Variants in MORN1 observed in about 807,000 individuals in gnomAD.
MORN1 encodes the protein MORN repeat containing 1.
MORN1 carries 67 observed loss-of-function variants against 61.9 expected under a neutral mutation model. The ratio of observed to expected loss-of-function variants is 1.08; its 90% confidence interval spans 0.89 to 1.33. The LOEUF (loss-of-function observed/expected upper bound fraction) is 1.33. Ranked by LOEUF, MORN1 falls within the 40% of genes most tolerant of loss-of-function variation. MORN1 has a pLI of 0.00. For synonymous variants in MORN1, 301 were observed against 292.0 expected (o/e 1.03, Z -0.31); for missense variants, 752 against 691.2 (o/e 1.09, Z -0.99).
intron 6 of MORN1, chr1:2,376,634 G>A (rs543283551): frequency 1.3e-5 from 2 of 152,254 alleles, no homozygotes; most frequent in South Asian, 2.1e-4. Flanking sequence ...CTGGGGCTGC[G>A]GCTCACGTAT....
At chr1:2,325,127 CTTCCT>C (rs1640982746) in intron 12 of MORN1, among the ~76,000 whole-genome samples, 1 of 56,146 alleles carries the variant, frequency 1.8e-5, no homozygotes, top group Non-Finnish European at 3.2e-5. Flanking sequence ...CCTTCCCTTC[CTTCCT>C]TCCCTCCCTC....
At chr1:2,353,934 G>T (rs915881308) in intron 10 of MORN1, among the ~76,000 whole-genome samples, 6 of 152,254 alleles carry the variant, frequency 3.9e-5, no homozygotes, top group Non-Finnish European at 1.5e-5. Flanking sequence ...TTGGGAAGCA[G>T]CAAGCCCGAT....
chr1:2,369,355 G>GAA (rs55703845), intron 8 of MORN1, among the ~76,000 whole-genome samples: 74 of 80,572 alleles, frequency 9.2e-4, no homozygotes, highest in South Asian at 2.3e-3. Context: ...CTCAGTCTCA[G>GAA]AAAAAAAAAA....
intron 13 of MORN1, chr1:2,323,021 A>AC: frequency 1.0e-6 from 1 of 984,856 alleles, no homozygotes; most frequent in Non-Finnish European, 1.2e-6. Flanking sequence ...TTCGCTCCTC[A>AC]CCCCCAGGGC....
At chr1:2,370,746 G>A (rs1642101121) in intron 8 of MORN1, among the ~76,000 whole-genome samples, 1 of 151,446 alleles carries the variant, frequency 6.6e-6, no homozygotes, top group Non-Finnish European at 1.5e-5. Context: ...TGCAGTCACG[G>A]GGCTCACTGT....
chr1:2,374,540 G>A lies in MORN1; in HGVS notation c.555C>T (p.Asp185=), dbSNP rs775118287. 19 of 1,596,426 alleles carry A rather than the reference G, an allele frequency of 1.2e-5. No homozygotes were observed. The highest frequency in any genetic ancestry group is 6.8e-5 in the East Asian group (3 of 44,314). The part of the protein sequence containing the change: ...GSTYKGQWHS[D]VFSGLGSMAH... ...CCATGCTGCCCAGTCCACTGAAGAC[G>A]TCGCTGTGCCACTGTCCCTGCAGAG... The change falls in exon 7 of 14, where the codon GAC becomes GAT. Residue 185 remains aspartate, a synonymous_variant. Transcript: ENST00000378531.
At position 2,334,234 on chromosome 1, in the gene MORN1, G is replaced by T. The variant is rs1305100706; in HGVS notation, c.1250+2235C>A. Among the ~76,000 whole-genome samples, 2 of 152,114 alleles carry T rather than the reference G, an allele frequency of 1.3e-5. No homozygotes were observed. The highest frequency in any genetic ancestry group is 6.5e-5 in the Admixed American group (1 of 15,276). ...AGCCACAGTTGAGGGCCTCTGGGTGGTGGGGGGGCAGCAGGTGTAAGAACG... is the reference window on the plus strand; with the variant it reads ...AGCCACAGTTGAGGGCCTCTGGGTGTTGGGGGGGCAGCAGGTGTAAGAACG... On this transcript the variant is annotated intron_variant, in intron 12 of 13. Coordinates refer to ENST00000378531, the MANE Select transcript of MORN1 (RefSeq NM_024848.3). The surrounding 1 kb of genome is among the most constrained non-coding windows in gnomAD (Gnocchi z 5.4).
rs550083658 is a variant in MORN1 at position 2,321,529 on chromosome 1, G to A, written c.1348C>T (p.Arg450Cys). 9 of 1,536,880 alleles carry A rather than the reference G, an allele frequency of 5.9e-6. 1 individual carries two copies. The highest frequency in any genetic ancestry group is 1.7e-4 in the Middle Eastern group (1 of 5,870). ...RDVTTPPFLG[R>C]RLPPAFKHLR... The stretch of plus-strand genomic sequence containing the variant: ...TGTTTGAAGGCCGGGGGCAGCCTGC[G>A]CCCCAGGAACGGCGGGGTGGTCACG... Residue 450 changes from arginine (R) to cysteine (C), a missense_variant, in exon 14 of 14, where the codon CGC (arginine) becomes TGC (cysteine). By Grantham distance (180) the Arg-to-Cys change is radical. Transcript: ENST00000378531.
chr1:2,381,656 C>T (rs766927758), intron 6 of MORN1, among the ~76,000 whole-genome samples: 19 of 152,136 alleles, frequency 1.2e-4, no homozygotes, highest in Non-Finnish European at 2.5e-4. Context: ...CCAAGACTCT[C>T]GCAGAAATCC....
chr1:2,348,409 C>A (rs1641561316), intron 10 of MORN1, among the ~76,000 whole-genome samples: 1 of 152,208 alleles, frequency 6.6e-6, no homozygotes, highest in Non-Finnish European at 1.5e-5. Context: ...CCGTGGGGAG[C>A]TGACTCCTCC....
At chr1:2,362,769 CAGG>C (rs1641917240) in intron 8 of MORN1, among the ~76,000 whole-genome samples, 2 of 152,044 alleles carry the variant, frequency 1.3e-5, no homozygotes, top group Non-Finnish European at 2.9e-5. Flanking sequence ...GAGGCTGAGG[CAGG>C]AGAATTGCTT....
intron 12 of MORN1, chr1:2,326,251 T>C (rs1349426491): frequency 6.6e-6 from 1 of 152,064 alleles, no homozygotes; most frequent in Non-Finnish European, 1.5e-5. Context: ...AGAACAGGCT[T>C]TGCCGGACCC....
At position 2,321,556 on chromosome 1, in the gene MORN1, C is replaced by A; in HGVS notation, c.1321G>T (p.Asp441Tyr). The part of the protein sequence containing the change: ...HLGEYVLMIR[D>Y]VTTPPFLGRR... Reference sequence around the variant, plus strand: ...CCCAGGAACGGCGGGGTGGTCACGTCGCGGATCATGAGCACGTACTCCCCT... The same window carrying A: ...CCCAGGAACGGCGGGGTGGTCACGTAGCGGATCATGAGCACGTACTCCCCT... The change falls in exon 14 of 14, where the codon GAC becomes TAC. Residue 441 changes from aspartate (D) to tyrosine (Y), a missense_variant. Transcript: ENST00000378531. The A allele has an allele frequency of 1.3e-6, 2 of 1,518,702 alleles. No individual in the cohort carries two copies. Among genetic ancestry groups the A allele is most frequent in the East Asian group, 2.5e-5 (1 of 40,162 alleles). The allele number at this position is 1,518,702 out of a possible 1,614,324, so 94.1% of individuals were successfully genotyped here.
At chr1:2,383,182 C>G (rs1275942720) in intron 6 of MORN1, among the ~76,000 whole-genome samples, 2 of 152,222 alleles carry the variant, frequency 1.3e-5, no homozygotes, top group African/African-American at 4.8e-5. Flanking sequence ...GTCAACGTTT[C>G]TCCTTTGCCA....
At chr1:2,359,999 C>T (rs889629183) in intron 8 of MORN1, among the ~76,000 whole-genome samples, 1 of 152,172 alleles carries the variant, frequency 6.6e-6, no homozygotes, top group African/African-American at 2.4e-5. Flanking sequence ...CTTCAGCAAA[C>T]ATGGGCCATT....
chr1:2,388,538 C>T (rs988521305), intron 2 of MORN1: 13 of 528,240 alleles, frequency 2.5e-5, no homozygotes, highest in Admixed American at 6.8e-5. Flanking sequence ...GAGCGGCCGG[C>T]GCCTTCAGCC....
chr1:2,322,088 G>A lies in MORN1; in HGVS notation c.1298-509C>T, dbSNP rs980517440. On this transcript the variant is annotated intron_variant, in intron 13 of 13. Coordinates refer to ENST00000378531, the MANE Select transcript of MORN1 (RefSeq NM_024848.3). ...CCGCCCTGGCCCCTTCCCCACACCC[G>A]CGCTGGGGCTCTCCGGGTGGGGCTG... The A allele has an allele frequency of 1.3e-5, 13 of 985,442 alleles. No individual in the cohort carries two copies. The East Asian group carries it at 3.4e-4, about 26-fold the overall frequency. 61.0% of individuals were successfully genotyped at this position (985,442 alleles called of 1,614,324 possible).
intron 10 of MORN1, among the ~76,000 whole-genome samples, chr1:2,348,295 C>G (rs1332642642): frequency 6.6e-6 from 1 of 152,214 alleles, no homozygotes; most frequent in Non-Finnish European, 1.5e-5. Context: ...ATGCGACGCT[C>G]ATGCCTTTCA....
chr1:2,372,459 A>G lies in MORN1; in HGVS notation c.745+22T>C, dbSNP rs191826635. On this transcript the variant is annotated intron_variant, in intron 8 of 13. Transcript: ENST00000378531. The surrounding 1 kb of genome is among the most constrained non-coding windows in gnomAD (Gnocchi z 5.4). ...GTTTCTCTTTTGGAAACGTTAGGTC[A>G]TCTCCCCCTGGAGATGCTTACTCTT... 1.0e-5 allele frequency: 16 copies of G among 1,582,124 alleles called. No individual in the cohort carries two copies. In the East Asian group the frequency reaches 3.4e-4, roughly 33 times the overall value.
Sources: gnomAD v4.1 joint callset for allele counts (sites outside exome capture counted in the v4.1 genomes callset) on GRCh38, gnomAD v4.1.1 for gene constraint, Gnocchi (gnomAD v3.1) non-coding constraint, MANE v1.5 for transcripts, NCBI Gene and HGNC (gene_info 2026-07-23, HGNC 2026-07-21) for gene names.